The following GAS7 variants were observed in gnomAD, a reference collection of about 807,000 sequenced individuals.
GAS7 encodes growth arrest specific 7, also known as growth arrest-specific protein 7.
A neutral mutation model predicts 71.1 loss-of-function variants in GAS7; 28 were observed. The observed-to-expected ratio is 0.39, with a 90% confidence interval of 0.29 to 0.54. The LOEUF is 0.54. Ranked by LOEUF, GAS7 falls within the 20% of genes least tolerant of loss-of-function variation. GAS7 has a pLI of 0.62. For synonymous variants in GAS7, 258 were observed against 245.8 expected (o/e 1.05, Z -0.46); for missense variants, 436 against 627.8 (o/e 0.69, Z 3.27).
intron 2 of GAS7, among the ~76,000 whole-genome samples, chr17:9,997,100 T>A (rs1478353072): frequency 6.6e-6 from 1 of 152,124 alleles, no homozygotes; most frequent in African/African-American, 2.4e-5. Context: ...AAGAGGTGCT[T>A]CTCAAGGCAA....
At chr17:10,048,405 T>G (rs1455232918) in intron 1 of GAS7, among the ~76,000 whole-genome samples, 1 of 148,680 alleles carries the variant, frequency 6.7e-6, no homozygotes, top group East Asian at 1.9e-4. Context: ...AGACTTCTCC[T>G]CTACCCTCCC....
chr17:9,956,689 A>G (rs1261765775), intron 5 of GAS7, among the ~76,000 whole-genome samples: 1 of 152,180 alleles, frequency 6.6e-6, no homozygotes, highest in African/African-American at 2.4e-5. Flanking sequence ...TAGCCTGGGG[A>G]AAAAGGAGCG....
chr17:9,964,276 GC>G (rs983607412), intron 4 of GAS7, among the ~76,000 whole-genome samples: 8 of 151,922 alleles, frequency 5.3e-5, no homozygotes, highest in African/African-American at 9.7e-5. Context: ...GATTCAGCAG[GC>G]CCCCGACTCC....
At chr17:10,156,807 C>G (rs1191174375) in intron 1 of GAS7, among the ~76,000 whole-genome samples, 1 of 152,046 alleles carries the variant, frequency 6.6e-6, no homozygotes, top group Non-Finnish European at 1.5e-5. Flanking sequence ...TCCCTTTTCC[C>G]CTCTCTGGGC....
intron 1 of GAS7, among the ~76,000 whole-genome samples, chr17:10,194,855 T>C (rs2074529490): frequency 9.9e-6 from 1 of 101,246 alleles, no homozygotes; most frequent in Non-Finnish European, 1.8e-5. Context: ...CGAGACTCTG[T>C]CTCAAAAAAA....
At chr17:9,970,996 G>A (rs1357981193) in intron 3 of GAS7, among the ~76,000 whole-genome samples, 1 of 152,178 alleles carries the variant, frequency 6.6e-6, no homozygotes, top group East Asian at 1.9e-4. Flanking sequence ...CCTGTAAAAT[G>A]GGGATAATTC....
chr17:10,007,711 T>A (rs1253565790), intron 2 of GAS7, among the ~76,000 whole-genome samples: 2 of 151,790 alleles, frequency 1.3e-5, no homozygotes, highest in African/African-American at 4.8e-5. Flanking sequence ...CACAAGCCTG[T>A]TTTTAATGAC....
chr17:10,029,030 C>G (rs1010284594), intron 1 of GAS7, among the ~76,000 whole-genome samples: 1 of 152,170 alleles, frequency 6.6e-6, no homozygotes, highest in African/African-American at 2.4e-5. Context: ...CACGGGACGT[C>G]CTACGCTGTT....
At chr17:10,111,117 G>C (rs1359953941) in intron 1 of GAS7, among the ~76,000 whole-genome samples, 3 of 152,108 alleles carry the variant, frequency 2.0e-5, no homozygotes, top group African/African-American at 7.2e-5. Flanking sequence ...AGTCCTTAAG[G>C]GGGCCGGGTG....
intron 1 of GAS7, among the ~76,000 whole-genome samples, chr17:10,047,309 T>C (rs1032283556): frequency 2.0e-5 from 3 of 152,112 alleles, no homozygotes; most frequent in Non-Finnish European, 4.4e-5. Flanking sequence ...GAGGACCAGA[T>C]AGTAACGTGA....
intron 1 of GAS7, among the ~76,000 whole-genome samples, chr17:10,039,410 G>A (rs546284368): frequency 4.6e-5 from 7 of 152,068 alleles, no homozygotes; most frequent in African/African-American, 9.7e-5. Context: ...GACCAGGGAC[G>A]GTGGCTCACG....
At chr17:9,948,141 T>C (rs1320481637) in intron 5 of GAS7, among the ~76,000 whole-genome samples, 1 of 152,272 alleles carries the variant, frequency 6.6e-6, no homozygotes, top group African/African-American at 2.4e-5. Flanking sequence ...AGTAGTTAAG[T>C]TCTGGGGAGT....
intron 1 of GAS7, among the ~76,000 whole-genome samples, chr17:10,171,719 A>G (rs1352190357): frequency 6.6e-6 from 1 of 152,206 alleles, no homozygotes; most frequent in African/African-American, 2.4e-5. Context: ...GCTGGTCCTA[A>G]GCAGTGTTGA....
intron 1 of GAS7, among the ~76,000 whole-genome samples, chr17:10,044,967 T>C (rs549089451): frequency 6.9e-6 from 1 of 144,242 alleles, no homozygotes; most frequent in East Asian, 2.1e-4. Flanking sequence ...GGCAGGAGAA[T>C]CACTTCATCT....
chr17:10,158,344 A>AAACAAAAAAAAC (rs2074221733), intron 1 of GAS7, among the ~76,000 whole-genome samples: 1 of 146,934 alleles, frequency 6.8e-6, no homozygotes, highest in African/African-American at 2.5e-5. Flanking sequence ...GGTAAAAAAA[A>AAACAAAAAAAAC]AAAAAAAAAA....
chr17:10,141,319 G>A (rs1237376938), intron 1 of GAS7, among the ~76,000 whole-genome samples: 3 of 152,168 alleles, frequency 2.0e-5, no homozygotes, highest in Non-Finnish European at 4.4e-5. Context: ...GTGGTGGCGG[G>A]AGCCTGTAGT....
At chr17:10,164,832 AT>A (rs2074280935) in intron 1 of GAS7, among the ~76,000 whole-genome samples, 1 of 149,188 alleles carries the variant, frequency 6.7e-6, no homozygotes, top group East Asian at 2.0e-4. Flanking sequence ...GTCTCTAAAA[AT>A]AATAATGAAA....
rs1053210065 is a variant in GAS7 at position 9,910,913 on chromosome 17, G to A, written c.*6315C>T. ...GGTGAGGAGTGCTGGCGGGAGACAC[G>A]GCTCTTTAACATGAAAAATGTATAA... On this transcript the variant is annotated 3_prime_UTR_variant, in exon 14 of 14. Transcript: ENST00000432992. 1.7e-5 allele frequency: 4 copies of A among 230,406 alleles called. No individual in the cohort carries two copies. Among genetic ancestry groups the A allele is most frequent in the Admixed American group, 1.1e-4 (2 of 17,664 alleles). 14.3% of individuals were successfully genotyped at this position (230,406 alleles called of 1,614,324 possible). A position where few individuals can be genotyped will look rare whatever the true frequency, so the allele number is the denominator to read the frequency against.
intron 1 of GAS7, among the ~76,000 whole-genome samples, chr17:10,112,040 C>CTACCGTACTGGGCGTCACAAAAGTACCG (rs2073818543): frequency 6.6e-6 from 1 of 152,226 alleles, no homozygotes; most frequent in Non-Finnish European, 1.5e-5. Flanking sequence ...ATGTTAGTGG[C>CTACCGTACTGGGCGTCACAAAAGTACCG]TACCGTACTG....
Sources: allele counts gnomAD v4.1 joint callset (sites outside exome capture counted in the v4.1 genomes callset), GRCh38; gene constraint gnomAD v4.1.1; transcripts MANE v1.5; gene names NCBI Gene and HGNC (gene_info 2026-07-23, HGNC 2026-07-21).